Variants in SEMA3D observed in about 807,000 individuals in gnomAD.
The protein encoded by SEMA3D is semaphorin-3D.
Under a neutral mutation model 100.1 loss-of-function variants are expected in SEMA3D, and 84 were observed. The observed-to-expected ratio is 0.84, with a 90% confidence interval of 0.70 to 1.01. The LOEUF (loss-of-function observed/expected upper bound fraction) is 1.01, where lower values mean the gene tolerates loss of function less well. Among genes scored for constraint, SEMA3D ranks in the 50% least tolerant of loss-of-function variants. The pLI, the probability that SEMA3D is intolerant of heterozygous loss-of-function variation, is 0.00. For synonymous variants in SEMA3D, 312 were observed against 320.7 expected, an observed-to-expected ratio of 0.97 and a Z score of 0.29; for missense variants, 875 against 934.1, an observed-to-expected ratio of 0.94 and a Z score of 0.82.
At chr7:85,211,206 C>A in the SEMA3D span, among the ~76,000 whole-genome samples, 1 of 151,898 alleles carries the variant, frequency 6.6e-6, no homozygotes, top group African/African-American at 2.4e-5. Flanking sequence ...AAACGGGTTC[C>A]CAAAAGTAGA....
chr7:85,143,200 GA>G, intron 2 of SEMA3D: 1 of 944,478 alleles, frequency 1.1e-6, no homozygotes, highest in Non-Finnish European at 1.3e-6. Flanking sequence ...TGAGAAAAGT[GA>G]TTAGCAGAAT....
chr7:85,246,642 G>C, the SEMA3D span, among the ~76,000 whole-genome samples: 1 of 151,864 alleles, frequency 6.6e-6, no homozygotes, highest in Non-Finnish European at 1.5e-5. Context: ...CCAAGTTTGG[G>C]TGATGATATG....
the SEMA3D span, among the ~76,000 whole-genome samples, chr7:85,239,887 C>A: frequency 6.6e-6 from 1 of 152,136 alleles, no homozygotes; most frequent in Non-Finnish European, 1.5e-5. Flanking sequence ...CTGTAACCAA[C>A]CTGTAACTAT....
chr7:85,001,429 AG>A (rs1229777204), intron 18 of SEMA3D, among the ~76,000 whole-genome samples: 1 of 152,238 alleles, frequency 6.6e-6, no homozygotes, highest in Admixed American at 6.5e-5. Context: ...CAGAAACCAT[AG>A]AAGTCTCATG....
intron 13 of SEMA3D, 106 bp downstream of exon 13, chr7:85,022,285 A>G (rs1790275885): frequency 2.7e-6 from 2 of 741,518 alleles, no homozygotes; most frequent in Non-Finnish European, 4.6e-6. Context: ...TTATCTAATA[A>G]TTACTCATTT....
upstream of SEMA3D, among the ~76,000 whole-genome samples, chr7:85,189,037 C>G (rs745680824): frequency 1.3e-5 from 2 of 152,146 alleles, no homozygotes; most frequent in Non-Finnish European, 2.9e-5. Flanking sequence ...CAAATTTAGA[C>G]AGAATTTACC....
At chr7:85,138,711 T>A (rs942798447) in intron 2 of SEMA3D, among the ~76,000 whole-genome samples, 6 of 150,364 alleles carry the variant, frequency 4.0e-5, no homozygotes, top group African/African-American at 1.2e-4. Flanking sequence ...TTGTGCAGAA[T>A]GTGCAGGTGG....
chr7:85,121,128 A>C, intron 3 of SEMA3D, among the ~76,000 whole-genome samples: 1 of 152,212 alleles, frequency 6.6e-6, no homozygotes, highest in Non-Finnish European at 1.5e-5. Context: ...TCAAAAAGGA[A>C]AACTAAAGTA....
rs758483871 is a variant in SEMA3D at position 85,097,880 on chromosome 7, T to C, written c.237A>G (p.Arg79=). The stretch of plus-strand genomic sequence containing the variant: ...CTTTGGCTCCCAAGAGCAGCCTGCC[T>C]CTTTCCTCATCTAAGAGAAGAGTTT... ...DFQTLLLDEE[R]GRLLLGAKDH... Residue 79 remains arginine, a synonymous_variant, in exon 4 of 19, where the codon AGA becomes AGG. Coordinates refer to ENST00000284136, the MANE Select transcript of SEMA3D (RefSeq NM_001384900.1). The C allele has an allele frequency of 1.2e-6, 2 of 1,609,612 alleles. No homozygotes were observed. Among genetic ancestry groups the C allele is most frequent in the Non-Finnish European group, 1.7e-6 (2 of 1,176,972 alleles).
the SEMA3D span, among the ~76,000 whole-genome samples, chr7:85,237,375 C>T: frequency 1.3e-5 from 2 of 152,142 alleles, no homozygotes; most frequent in African/African-American, 4.8e-5. Context: ...ATAATGACTC[C>T]TATCCACTGC....
At chr7:85,179,870 C>T (rs904595395) in intron 1 of SEMA3D, among the ~76,000 whole-genome samples, 7 of 152,016 alleles carry the variant, frequency 4.6e-5, no homozygotes, top group Non-Finnish European at 8.8e-5. Flanking sequence ...ACCGTGTTAG[C>T]CAAGATGGTC....
At chr7:85,147,222 C>T (rs2116479285) in intron 2 of SEMA3D, among the ~76,000 whole-genome samples, 1 of 149,014 alleles carries the variant, frequency 6.7e-6, no homozygotes, top group South Asian at 2.1e-4. Flanking sequence ...CTTGTCTCAG[C>T]CTCCTGAGTA....
intron 8 of SEMA3D, among the ~76,000 whole-genome samples, chr7:85,059,511 T>A (rs560266433): frequency 3.3e-5 from 5 of 152,344 alleles, no homozygotes; most frequent in East Asian, 1.9e-4. Context: ...TGCAGCATGA[T>A]GTCCCTTGAA....
intron 8 of SEMA3D, among the ~76,000 whole-genome samples, chr7:85,061,653 A>G (rs1583884420): frequency 6.6e-6 from 1 of 152,168 alleles, no homozygotes; most frequent in African/African-American, 2.4e-5. Flanking sequence ...TAAAGGACAG[A>G]AATGTTCTCT....
chr7:85,160,107 T>C lies in SEMA3D; in HGVS notation c.-172-6368A>G, dbSNP rs185791237. On this transcript the variant is annotated intron_variant, in intron 1 of 18. Coordinates refer to ENST00000284136, the MANE Select transcript of SEMA3D (RefSeq NM_001384900.1). ...ATATCTCAATTCCACTTTGATAAAATTGAGTTTTCAAGCCTAACAGGATAA... is the reference window on the plus strand; with the variant it reads ...ATATCTCAATTCCACTTTGATAAAACTGAGTTTTCAAGCCTAACAGGATAA... 1.8e-3 allele frequency: 1,651 copies of C among 901,646 alleles called. 2 individuals carry two copies. The highest frequency in any genetic ancestry group is 2.1e-3 in the Non-Finnish European group (1,548 of 753,546). The allele number at this position is 901,646 out of a possible 1,614,324, so 55.9% of individuals were successfully genotyped here.
At position 85,012,860 on chromosome 7, in the gene SEMA3D, A is replaced by G. The variant is rs748974910; in HGVS notation, c.1704-14T>C. ...CGTCTAGCTCTCCTGCGGAAAGGGG[A>G]TTAAACTTATTAGAACTTCAAGCAT... is the stretch of plus-strand genomic sequence containing the variant. On this transcript the variant is annotated splice_polypyrimidine_tract_variant and intron_variant, in intron 16 of 18. Coordinates refer to ENST00000284136, the MANE Select transcript of SEMA3D (RefSeq NM_001384900.1). 52 of 1,603,300 alleles carry G rather than the reference A, an allele frequency of 3.2e-5. No homozygotes were observed. The East Asian group carries it at 7.2e-4, about 22-fold the overall frequency.
chr7:85,225,551 G>A, the SEMA3D span, among the ~76,000 whole-genome samples: 76 of 152,132 alleles, frequency 5.0e-4, no homozygotes, highest in African/African-American at 1.6e-3. Flanking sequence ...TACTTAACCA[G>A]ATTGAAAGGT....
chr7:85,011,935 G>A (rs1789964366), intron 17 of SEMA3D, among the ~76,000 whole-genome samples: 1 of 151,594 alleles, frequency 6.6e-6, no homozygotes, highest in South Asian at 2.1e-4. Context: ...TCTTCCACCT[G>A]TTCGTGTGTG....
chr7:85,183,599 T>G (rs1248287779), intron 1 of SEMA3D, among the ~76,000 whole-genome samples: 3 of 152,222 alleles, frequency 2.0e-5, no homozygotes, highest in Non-Finnish European at 2.9e-5. Context: ...TCAGTTTTTC[T>G]TTGTGTATTT....
Sources: allele counts gnomAD v4.1 joint callset (sites outside exome capture counted in the v4.1 genomes callset), GRCh38; gene constraint gnomAD v4.1.1; transcripts MANE v1.5; gene names NCBI Gene and HGNC (gene_info 2026-07-23, HGNC 2026-07-21).